Variants in NRXN1 observed in about 807,000 individuals in gnomAD.
NRXN1 encodes neurexin-1.
NRXN1 carries 39 observed loss-of-function variants against 150.9 expected under a neutral mutation model. That is an observed-to-expected ratio of 0.26 (90% CI 0.20 to 0.34). The LOEUF is 0.34. NRXN1 is among the 10% of genes least tolerant of loss of function. The pLI, the probability that NRXN1 is intolerant of heterozygous loss-of-function variation, is 1.00. For synonymous variants in NRXN1, 924 were observed against 757.0 expected, an observed-to-expected ratio of 1.22 and a Z score of -3.62; for missense variants, 1,815 against 1,949.9, an observed-to-expected ratio of 0.93 and a Z score of 1.30.
At chr2:50,809,444 A>G (rs1324424894) in intron 5 of NRXN1, among the ~76,000 whole-genome samples, 1 of 152,126 alleles carries the variant, frequency 6.6e-6, no homozygotes, top group African/African-American at 2.4e-5. Context: ...GAAAAAATAA[A>G]TCAAACACAA....
At chr2:50,352,651 G>C (rs2078492584) in intron 17 of NRXN1, among the ~76,000 whole-genome samples, 3 of 151,594 alleles carry the variant, frequency 2.0e-5, no homozygotes, top group Admixed American at 1.3e-4. Flanking sequence ...TCAGAAGAGG[G>C]TTTGTTCTGG....
At chr2:50,148,963 TA>T (rs1354036437) in intron 18 of NRXN1, among the ~76,000 whole-genome samples, 2 of 151,710 alleles carry the variant, frequency 1.3e-5, no homozygotes, top group Non-Finnish European at 2.9e-5. Context: ...ACAGTGTGTA[TA>T]ATCATCTCTG....
chr2:50,907,461 G>A (rs1454063366), intron 5 of NRXN1, among the ~76,000 whole-genome samples: 1 of 152,014 alleles, frequency 6.6e-6, no homozygotes, highest in East Asian at 1.9e-4. Flanking sequence ...CCTTTACGAA[G>A]GGTGAGAAAA....
At chr2:50,478,949 T>C (rs954614661) in intron 15 of NRXN1, among the ~76,000 whole-genome samples, 1 of 152,184 alleles carries the variant, frequency 6.6e-6, no homozygotes, top group African/African-American at 2.4e-5. Flanking sequence ...TTTCTTCTTG[T>C]ACACACCTTT....
At chr2:50,111,705 C>T (rs1466254857) in intron 18 of NRXN1, among the ~76,000 whole-genome samples, 2 of 152,046 alleles carry the variant, frequency 1.3e-5, no homozygotes, top group Admixed American at 1.3e-4. Flanking sequence ...GTAATCTGCA[C>T]CCTCTTGCCA....
At chr2:50,401,850 T>C (rs1209576093) in intron 17 of NRXN1, among the ~76,000 whole-genome samples, 1 of 152,174 alleles carries the variant, frequency 6.6e-6, no homozygotes, top group African/African-American at 2.4e-5. Flanking sequence ...TATCTTGCTA[T>C]ATTCAAAGCT....
chr2:50,897,818 T>C (rs184094968), intron 5 of NRXN1, among the ~76,000 whole-genome samples: 29 of 152,328 alleles, frequency 1.9e-4, no homozygotes, highest in Middle Eastern at 3.4e-3. Context: ...GTTCTGTATC[T>C]TGGTTGCAGC....
intron 17 of NRXN1, among the ~76,000 whole-genome samples, chr2:50,385,879 AT>A (rs1300004778): frequency 1.3e-5 from 2 of 152,166 alleles, no homozygotes; most frequent in Non-Finnish European, 2.9e-5. Context: ...TAAGAAAAAA[AT>A]AAAATTATTT....
chr2:50,057,302 C>T (rs778288760), intron 19 of NRXN1, among the ~76,000 whole-genome samples: 2 of 152,134 alleles, frequency 1.3e-5, no homozygotes, highest in Non-Finnish European at 2.9e-5. Flanking sequence ...CTCTCTGGGA[C>T]TTTGCACATG....
At chr2:50,377,178 G>C (rs1180997920) in intron 17 of NRXN1, among the ~76,000 whole-genome samples, 1 of 151,974 alleles carries the variant, frequency 6.6e-6, no homozygotes, top group Admixed American at 6.6e-5. Context: ...GTGGTTTGCT[G>C]CACCTATCAA....
intron 19 of NRXN1, among the ~76,000 whole-genome samples, chr2:50,069,155 G>C (rs2078232): frequency 0.012 from 1,830 of 152,280 alleles, 47 homozygotes; most frequent in African/African-American, 0.042. Context: ...TAGCAATGAA[G>C]TCTTAAAATG....
chr2:50,821,507 C>T (rs1378801347), intron 5 of NRXN1, among the ~76,000 whole-genome samples: 1 of 152,104 alleles, frequency 6.6e-6, no homozygotes, highest in Non-Finnish European at 1.5e-5. Context: ...CTTCATAAGA[C>T]TGTAGTGATT....
chr2:50,967,617 G>C (rs529597956), intron 2 of NRXN1, among the ~76,000 whole-genome samples: 107 of 152,068 alleles, frequency 7.0e-4, no homozygotes, highest in Non-Finnish European at 1.0e-3. Flanking sequence ...ATGATTTTTA[G>C]CACAGAAATT....
chr2:50,712,452 T>A (rs1435990483), intron 5 of NRXN1, among the ~76,000 whole-genome samples: 1 of 152,214 alleles, frequency 6.6e-6, no homozygotes, highest in African/African-American at 2.4e-5. Context: ...CTCAGACTCT[T>A]GCCCAGTGGT....
chr2:50,499,434 T>C (rs1466544414), intron 13 of NRXN1, among the ~76,000 whole-genome samples: 1 of 152,174 alleles, frequency 6.6e-6, no homozygotes. Context: ...GTCTATCTGA[T>C]GCAAAAGTAC....
At chr2:50,801,190 T>C (rs1417439113) in intron 5 of NRXN1, among the ~76,000 whole-genome samples, 3 of 152,178 alleles carry the variant, frequency 2.0e-5, no homozygotes, top group Non-Finnish European at 4.4e-5. Flanking sequence ...TTTCTAATTA[T>C]TTCCAATATA....
chr2:50,479,355 G>T (rs1399933337), intron 15 of NRXN1, among the ~76,000 whole-genome samples: 1 of 152,038 alleles, frequency 6.6e-6, no homozygotes, highest in Non-Finnish European at 1.5e-5. Context: ...CAACTTGGGG[G>T]ACTCAACTCA....
intron 17 of NRXN1, among the ~76,000 whole-genome samples, chr2:50,294,879 C>G (rs947408440): frequency 2.6e-5 from 4 of 152,106 alleles, no homozygotes; most frequent in African/African-American, 9.7e-5. Flanking sequence ...ACAAGTCTGT[C>G]CAGGTAAAAC....
At chr2:50,794,118 G>A (rs144401527) in intron 5 of NRXN1, among the ~76,000 whole-genome samples, 175 of 152,190 alleles carry the variant, frequency 1.1e-3, no homozygotes, top group African/African-American at 4.1e-3. Flanking sequence ...CTGAGGCTGT[G>A]AAACCTTGGA....
Sources: allele counts gnomAD v4.1 joint callset (sites outside exome capture counted in the v4.1 genomes callset), GRCh38; gene constraint gnomAD v4.1.1; transcripts MANE v1.5; gene names NCBI Gene and HGNC (gene_info 2026-07-23, HGNC 2026-07-21).